Variants in AUTS2 observed in about 807,000 individuals in gnomAD.
The protein encoded by AUTS2 is autism susceptibility gene 2 protein.
AUTS2 carries 17 observed loss-of-function variants against 112.4 expected under a neutral mutation model. That is an observed-to-expected ratio of 0.15 (90% CI 0.10 to 0.23). The LOEUF (loss-of-function observed/expected upper bound fraction) is 0.23. Ranked by LOEUF, AUTS2 falls within the 10% of genes least tolerant of loss-of-function variation. AUTS2 has a pLI of 1.00. For missense variants in AUTS2, 1,510 were observed against 1,701.6 expected (o/e 0.89, Z 1.98); for synonymous variants, 751 against 702.7 (o/e 1.07, Z -1.09).
At chr7:70,019,256 CT>C (rs1351578786) in intron 2 of AUTS2, among the ~76,000 whole-genome samples, 1 of 151,998 alleles carries the variant, frequency 6.6e-6, no homozygotes, top group Admixed American at 6.6e-5. Flanking sequence ...ACACTGGGGC[CT>C]TTTGGAGGGT....
chr7:70,094,662 A>G (rs1056089856), intron 2 of AUTS2, among the ~76,000 whole-genome samples: 1 of 152,204 alleles, frequency 6.6e-6, no homozygotes, highest in Non-Finnish European at 1.5e-5. Flanking sequence ...CAGTATGGAA[A>G]TGGCTCATTG....
chr7:70,393,554 G>T (rs1793957132), intron 4 of AUTS2, among the ~76,000 whole-genome samples: 1 of 151,996 alleles, frequency 6.6e-6, no homozygotes, highest in Admixed American at 6.6e-5. Flanking sequence ...CATTATCCTG[G>T]GTAGTCTGTG....
At chr7:69,737,833 A>G (rs887995986) in intron 1 of AUTS2, among the ~76,000 whole-genome samples, 16 of 152,198 alleles carry the variant, frequency 1.1e-4, no homozygotes, top group Non-Finnish European at 1.6e-4. Context: ...GGTATTGTCA[A>G]TAGCTAAACT....
chr7:69,858,161 C>T lies in AUTS2; in HGVS notation c.310-41125C>T, dbSNP rs1461345125. ...GGCTAGATCAGTGACAATTTATGAC[C>T]ACTTCTGGGGAAATAGCTCAGAGTG... On this transcript the variant is annotated intron_variant, in intron 1 of 18. Transcript: ENST00000342771. Among the ~76,000 whole-genome samples the T allele has an allele frequency of 2.0e-5, 3 of 152,172 alleles. No individual in the cohort carries two copies. The South Asian group carries it at 6.2e-4, about 32-fold the overall frequency.
chr7:69,845,808 T>C (rs78351301), intron 1 of AUTS2, among the ~76,000 whole-genome samples: 12,762 of 152,182 alleles, frequency 0.084, 617 homozygotes, highest in East Asian at 0.13. Flanking sequence ...TTTCCTCTTC[T>C]CTGTTTTCCA....
intron 1 of AUTS2, among the ~76,000 whole-genome samples, chr7:69,800,160 T>TCC (rs1790020595): frequency 6.6e-6 from 1 of 152,222 alleles, no homozygotes; most frequent in Admixed American, 6.5e-5. Context: ...TGTTTCTGAC[T>TCC]ATTCACTCCA....
chr7:70,496,148 T>C (rs1475475979), intron 5 of AUTS2, among the ~76,000 whole-genome samples: 8 of 54,440 alleles, frequency 1.5e-4, no homozygotes, highest in Admixed American at 2.2e-4. Flanking sequence ...CACACCCCAC[T>C]CACACACACC....
At chr7:70,209,481 T>C (rs1238547585) in intron 4 of AUTS2, among the ~76,000 whole-genome samples, 3 of 152,084 alleles carry the variant, frequency 2.0e-5, no homozygotes, top group African/African-American at 4.8e-5. Context: ...CATCAGCATA[T>C]GGGATTGAAA....
rs368093656 is a variant in AUTS2 at position 69,921,249 on chromosome 7, G to T, written c.522+21751G>T. ...ATAAAAATTTCTTCCTGAAATGAAG[G>T]ACAAAATTTCCAAAGCAGGATGCAT... On this transcript the variant is annotated intron_variant, in intron 2 of 18. Coordinates refer to ENST00000342771, the MANE Select transcript of AUTS2 (RefSeq NM_015570.4). Among the ~76,000 whole-genome samples, 24 of 151,564 alleles carry T rather than the reference G, an allele frequency of 1.6e-4. No homozygotes were observed. In the East Asian group the frequency reaches 4.4e-3, roughly 28 times the overall value.
intron 1 of AUTS2, among the ~76,000 whole-genome samples, chr7:69,747,768 CAGAG>C (rs1407535273): frequency 6.8e-4 from 42 of 61,438 alleles, no homozygotes; most frequent in African/African-American, 4.3e-4. Context: ...GTGTGACAGA[CAGAG>C]AGAAGGAGAG....
At chr7:70,105,482 C>A (rs1408452269) in intron 2 of AUTS2, among the ~76,000 whole-genome samples, 1 of 152,090 alleles carries the variant, frequency 6.6e-6, no homozygotes, top group African/African-American at 2.4e-5. Flanking sequence ...TGATCTTGAA[C>A]TTGTCCCTCA....
intron 4 of AUTS2, among the ~76,000 whole-genome samples, chr7:70,164,565 AC>A (rs1354212328): frequency 1.3e-5 from 2 of 152,026 alleles, no homozygotes; most frequent in East Asian, 1.9e-4. Context: ...TCATGATTAG[AC>A]CCTCAGTTGG....
chr7:69,618,741 C>T (rs926678603), intron 1 of AUTS2, among the ~76,000 whole-genome samples: 2 of 152,084 alleles, frequency 1.3e-5, no homozygotes, highest in Non-Finnish European at 2.9e-5. Flanking sequence ...ATAACATAGC[C>T]AACACCCATG....
intron 1 of AUTS2, among the ~76,000 whole-genome samples, chr7:69,632,773 CACA>C (rs1486128469): frequency 1.3e-5 from 2 of 151,936 alleles, no homozygotes; most frequent in Non-Finnish European, 2.9e-5. Flanking sequence ...ATGGTAGAGC[CACA>C]ACACTAAGTT....
At chr7:70,404,024 G>A (rs528898368) in intron 4 of AUTS2, among the ~76,000 whole-genome samples, 1 of 152,340 alleles carries the variant, frequency 6.6e-6, no homozygotes, top group African/African-American at 2.4e-5. Flanking sequence ...AAGAAAAAGA[G>A]AATTTGAATG....
At chr7:70,467,378 G>A (rs1797207309) in intron 5 of AUTS2, among the ~76,000 whole-genome samples, 1 of 152,202 alleles carries the variant, frequency 6.6e-6, no homozygotes, top group African/African-American at 2.4e-5. Flanking sequence ...TCTACCTCTG[G>A]CCAAGTAAGT....
At chr7:70,288,473 A>G (rs1788566084) in intron 4 of AUTS2, among the ~76,000 whole-genome samples, 1 of 152,236 alleles carries the variant, frequency 6.6e-6, no homozygotes, top group Non-Finnish European at 1.5e-5. Context: ...TCATCAGATT[A>G]GATTTCAGAC....
At chr7:70,295,986 C>G (rs948421902) in intron 4 of AUTS2, among the ~76,000 whole-genome samples, 1 of 150,298 alleles carries the variant, frequency 6.7e-6, no homozygotes, top group Non-Finnish European at 1.5e-5. Flanking sequence ...GTTGTAAACA[C>G]TGGGAATACC....
chr7:69,992,799 C>T (rs1008516663), intron 2 of AUTS2, among the ~76,000 whole-genome samples: 13 of 152,248 alleles, frequency 8.5e-5, no homozygotes, highest in Admixed American at 2.0e-4. Flanking sequence ...GCGAGAGGAT[C>T]GCTTGAGCCC....
Sources: gnomAD v4.1 joint callset for allele counts (sites outside exome capture counted in the v4.1 genomes callset) on GRCh38, gnomAD v4.1.1 for gene constraint, MANE v1.5 for transcripts, NCBI Gene and HGNC (gene_info 2026-07-23, HGNC 2026-07-21) for gene names.